The following TRMT9B variants were observed in gnomAD, a reference collection of about 807,000 sequenced individuals.
TRMT9B encodes tRNA methyltransferase 9B (putative).
Under a neutral mutation model 11.5 loss-of-function variants are expected in TRMT9B, and 16 were observed. The ratio of observed to expected loss-of-function variants is 1.39; its 90% CI spans 0.94 to 2.11. The LOEUF is 2.11. TRMT9B is among the 30% of genes most tolerant of loss of function. The pLI, the probability that TRMT9B is intolerant of heterozygous loss-of-function variation, is 0.00. For missense variants in TRMT9B, 941 were observed against 553.8 expected, an observed-to-expected ratio of 1.70 and a Z score of -7.02; for synonymous variants, 274 against 192.4, an observed-to-expected ratio of 1.42 and a Z score of -3.51.
intron 1 of TRMT9B, among the ~76,000 whole-genome samples, chr8:12,984,637 T>G (rs1281016348): frequency 6.6e-6 from 1 of 152,118 alleles, no homozygotes; most frequent in Admixed American, 6.6e-5. Flanking sequence ...CACGGTACTA[T>G]TTTGGGGGAC....
chr8:12,957,470 T>TAA (rs33994103), intron 1 of TRMT9B, among the ~76,000 whole-genome samples: 7 of 151,854 alleles, frequency 4.6e-5, no homozygotes, highest in African/African-American at 9.7e-5. Flanking sequence ...TTAGAGTAAT[T>TAA]AAAAAAATAC....
intron 1 of TRMT9B, among the ~76,000 whole-genome samples, chr8:12,956,352 G>T (rs753315177): frequency 1.5e-4 from 23 of 152,122 alleles, no homozygotes; most frequent in Non-Finnish European, 2.6e-4. Context: ...TTTTTTAAAG[G>T]AGCTAGTTGC....
intron 1 of TRMT9B, among the ~76,000 whole-genome samples, chr8:12,990,161 G>C (rs1243532011): frequency 6.6e-6 from 1 of 152,140 alleles, no homozygotes; most frequent in Non-Finnish European, 1.5e-5. Flanking sequence ...TAGGAAAAAT[G>C]GTTGCAGGCT....
At chr8:13,004,457 T>C (rs1013871542) in intron 2 of TRMT9B, among the ~76,000 whole-genome samples, 1 of 151,714 alleles carries the variant, frequency 6.6e-6, no homozygotes, top group African/African-American at 2.4e-5. Context: ...GATTTTGTCT[T>C]GTATTTTGGA....
chr8:13,015,357 C>T (rs1039740075), intron 4 of TRMT9B, among the ~76,000 whole-genome samples: 23 of 151,756 alleles, frequency 1.5e-4, no homozygotes, highest in African/African-American at 2.9e-4. Context: ...ATTTAGAATC[C>T]GCAGGTTTAG....
At position 13,020,048 on chromosome 8, in the gene TRMT9B, A is replaced by C. The variant is rs150146723; in HGVS notation, c.329-960A>C. Among the ~76,000 whole-genome samples, 359 of 152,336 alleles carry C rather than the reference A, an allele frequency of 2.4e-3. 1 individual carries two copies. Among genetic ancestry groups the C allele is most frequent in the African/African-American group, 8.1e-3 (337 of 41,578 alleles). ...CACAACCCCATTTTTGATATTTAAT[A>C]TGCCTCTGTGGAAGGTAAACTACAA... is the stretch of plus-strand genomic sequence containing the variant. On this transcript the variant is annotated intron_variant, in intron 4 of 4. Coordinates refer to ENST00000524591, the MANE Select transcript of TRMT9B (RefSeq NM_020844.3).
Position 13,028,908 on chromosome 8 carries a change from T to C in TRMT9B, c.*6864T>C, listed in dbSNP as rs118187956. On this transcript the variant is annotated 3_prime_UTR_variant, in exon 5 of 5. Coordinates refer to ENST00000524591, the MANE Select transcript of TRMT9B (RefSeq NM_020844.3). The stretch of plus-strand genomic sequence containing the variant: ...AGTTTGTTTTACTTCTCTGGTTATT[T>C]ACACAAAACGCTGGCAATACATTAA... The C allele has an allele frequency of 9.3e-3, 1,550 of 167,184 alleles. 74 individuals carry two copies. Among genetic ancestry groups the C allele is most frequent in the East Asian group, 0.085 (439 of 5,176 alleles). The allele number at this position is 167,184 out of a possible 1,614,324, so 10.4% of individuals were successfully genotyped here.
chr8:13,015,840 C>T (rs927836668), intron 4 of TRMT9B, among the ~76,000 whole-genome samples: 5 of 152,144 alleles, frequency 3.3e-5, no homozygotes, highest in African/African-American at 1.2e-4. Flanking sequence ...ACCTAGTTAC[C>T]ATCTTCGAAT....
chr8:12,950,224 C>G (rs1173341788), intron 1 of TRMT9B, among the ~76,000 whole-genome samples: 2 of 152,180 alleles, frequency 1.3e-5, no homozygotes, highest in East Asian at 3.8e-4. Context: ...GACAATGTCA[C>G]CTATAACTGA....
intron 1 of TRMT9B, among the ~76,000 whole-genome samples, chr8:12,983,179 G>C (rs1265736518): frequency 6.6e-6 from 1 of 151,076 alleles, no homozygotes; most frequent in Non-Finnish European, 1.5e-5. Context: ...TGATGATGAA[G>C]ATGACATTGT....
rs573317383 is a variant in TRMT9B at position 12,968,394 on chromosome 8, T to G, written c.-200+22428T>G. On this transcript the variant is annotated intron_variant, in intron 1 of 4. Coordinates refer to ENST00000524591, the MANE Select transcript of TRMT9B (RefSeq NM_020844.3). ...GCTTGTTGTTTGGTTGGAATTGCTG[T>G]AAAAGGAGACTTTTCCTTTCATAAA... Among the ~76,000 whole-genome samples the G allele has an allele frequency of 8.5e-5, 13 of 152,328 alleles. No homozygotes were observed. In the South Asian group the frequency reaches 2.7e-3, roughly 32 times the overall value.
chr8:12,959,449 A>C (rs1467619059), intron 1 of TRMT9B, among the ~76,000 whole-genome samples: 1 of 150,840 alleles, frequency 6.6e-6, no homozygotes, highest in Non-Finnish European at 1.5e-5. Context: ...CACAACTGGA[A>C]ACACTTCTGG....
At chr8:12,971,406 T>A (rs1436317897) in intron 1 of TRMT9B, among the ~76,000 whole-genome samples, 3 of 152,238 alleles carry the variant, frequency 2.0e-5, no homozygotes, top group African/African-American at 7.2e-5. Flanking sequence ...TACAGCATTT[T>A]TTCATAATAA....
At chr8:12,947,296 C>T (rs554414606) in intron 1 of TRMT9B, among the ~76,000 whole-genome samples, 5 of 152,184 alleles carry the variant, frequency 3.3e-5, no homozygotes, top group African/African-American at 7.2e-5. Flanking sequence ...TAAGCTCACC[C>T]GGGTCTACCA....
At position 12,991,044 on chromosome 8, in the gene TRMT9B, C is replaced by T. The variant is rs933990024; in HGVS notation, c.-2+13C>T. ...CAGGATGACTCAGGTTAGTAGCTTT[C>T]AGCGCTTCTGCAACTCACATACCAT... On this transcript the variant is annotated intron_variant, in intron 2 of 4. Transcript: ENST00000524591. The T allele has an allele frequency of 5.0e-6, 6 of 1,196,174 alleles. No homozygotes were observed. Among genetic ancestry groups the T allele is most frequent in the Non-Finnish European group, 6.4e-6 (6 of 938,770 alleles). 74.1% of individuals were successfully genotyped at this position (1,196,174 alleles called of 1,614,324 possible). A position where few individuals can be genotyped will look rare whatever the true frequency, so the allele number is the denominator to read the frequency against.
At chr8:12,972,644 C>T (rs2460350) in intron 1 of TRMT9B, among the ~76,000 whole-genome samples, 3 of 151,706 alleles carry the variant, frequency 2.0e-5, no homozygotes, top group Admixed American at 6.6e-5. Flanking sequence ...TACAGAGTCC[C>T]GCCCTCTCCA....
At chr8:12,983,548 T>C (rs1041945662) in intron 1 of TRMT9B, among the ~76,000 whole-genome samples, 2 of 152,142 alleles carry the variant, frequency 1.3e-5, no homozygotes, top group African/African-American at 4.8e-5. Flanking sequence ...CAGGTGCCTG[T>C]AATCTCAGCT....
chr8:13,011,587 C>A (rs1423402205), intron 3 of TRMT9B: 1 of 939,130 alleles, frequency 1.1e-6, no homozygotes, highest in African/African-American at 1.8e-5. Context: ...AAGTATTAGA[C>A]TGTAGAAGGC....
intron 1 of TRMT9B, among the ~76,000 whole-genome samples, chr8:12,959,751 A>C (rs908205447): frequency 3.3e-5 from 5 of 150,636 alleles, no homozygotes; most frequent in Non-Finnish European, 5.9e-5. Flanking sequence ...CTGGTCTTGA[A>C]CTCCTAGGCT....
Sources: gnomAD v4.1 joint callset for allele counts (sites outside exome capture counted in the v4.1 genomes callset) on GRCh38, gnomAD v4.1.1 for gene constraint, MANE v1.5 for transcripts, NCBI Gene and HGNC (gene_info 2026-07-23, HGNC 2026-07-21) for gene names.